Variants in TNKS observed in about 807,000 individuals in gnomAD.
The protein encoded by TNKS is poly [ADP-ribose] polymerase tankyrase-1.
In TNKS, 72 loss-of-function variants were observed where a neutral mutation model predicts 135.8. The ratio of observed to expected loss-of-function variants is 0.53; its 90% CI spans 0.44 to 0.64. The LOEUF is 0.64. TNKS is among the 30% of genes least tolerant of loss of function. TNKS has a pLI of 0.00. For synonymous variants in TNKS, 849 were observed against 649.3 expected, an observed-to-expected ratio of 1.31 and a Z score of -4.68; for missense variants, 1,769 against 1,674.0, an observed-to-expected ratio of 1.06 and a Z score of -0.99.
At chr8:9,763,782 G>T (rs755935675) in intron 22 of TNKS, among the ~76,000 whole-genome samples, 1 of 152,120 alleles carries the variant, frequency 6.6e-6, no homozygotes, top group Non-Finnish European at 1.5e-5. Context: ...TGAGACTCCT[G>T]CTCCACTGAC....
intron 3 of TNKS, among the ~76,000 whole-genome samples, chr8:9,672,675 A>AC (rs1203110626): frequency 5.8e-5 from 7 of 121,640 alleles, no homozygotes; most frequent in African/African-American, 1.2e-4. Flanking sequence ...AAAAAAAAAA[A>AC]ACACATACAC....
At chr8:9,604,940 C>T (rs996209808) in intron 2 of TNKS, among the ~76,000 whole-genome samples, 2 of 151,924 alleles carry the variant, frequency 1.3e-5, no homozygotes, top group Non-Finnish European at 1.5e-5. Flanking sequence ...GCAATTTTCT[C>T]TTTAGCTGTT....
At chr8:9,632,970 C>G (rs553627839) in intron 3 of TNKS, among the ~76,000 whole-genome samples, 1 of 152,150 alleles carries the variant, frequency 6.6e-6, no homozygotes, top group South Asian at 2.1e-4. Flanking sequence ...ACCTCGTGAT[C>G]TGCCCGCCTC....
intron 3 of TNKS, among the ~76,000 whole-genome samples, chr8:9,625,636 C>T (rs1385706242): frequency 1.3e-5 from 2 of 151,998 alleles, no homozygotes; most frequent in Admixed American, 1.3e-4. Flanking sequence ...CTTGAGATTT[C>T]GTCTTTAACC....
In TNKS at chr8:9,567,423, AT is replaced by A. The variant is rs1009976478; in HGVS notation, c.673+10821del. Reference sequence around the variant, plus strand: ...TTAGCAACTGCTTTCTTATTTATTTATTTTTTTTTTGAGACGGAGTCTCGCT... The same window carrying A: ...TTAGCAACTGCTTTCTTATTTATTTATTTTTTTTTGAGACGGAGTCTCGCT... On this transcript the variant is annotated intron_variant, in intron 1 of 26. Transcript: ENST00000310430. Among the ~76,000 whole-genome samples, 393 of 150,404 alleles carry A rather than the reference AT, an allele frequency of 2.6e-3. 1 individual carries two copies. The highest frequency in any genetic ancestry group is 4.7e-3 in the Non-Finnish European group (315 of 67,428).
Position 9,730,874 on chromosome 8 carries a change from G to C in TNKS, c.2002-16G>C, listed in dbSNP as rs554962669. On this transcript the variant is annotated splice_polypyrimidine_tract_variant and intron_variant, in intron 13 of 26. Transcript: ENST00000310430. Reference sequence around the variant, plus strand: ...ATGTTCGTTTTGTGTTTGTCTTTGTGTGTGCACCACGAAAGCAACTTTGCA... The same window carrying C: ...ATGTTCGTTTTGTGTTTGTCTTTGTCTGTGCACCACGAAAGCAACTTTGCA... 1 of 1,608,658 alleles carries C rather than the reference G, an allele frequency of 6.2e-7. No homozygotes were observed. The highest frequency in any genetic ancestry group is 8.5e-7 in the Non-Finnish European group (1 of 1,177,022).
chr8:9,570,929 A>G (rs921710341), intron 1 of TNKS, among the ~76,000 whole-genome samples: 4 of 152,180 alleles, frequency 2.6e-5, no homozygotes, highest in African/African-American at 9.7e-5. Flanking sequence ...TGATCATGCC[A>G]CTGCACTCCA....
intron 20 of TNKS, among the ~76,000 whole-genome samples, chr8:9,759,936 C>T (rs1344610019): frequency 6.6e-6 from 1 of 151,712 alleles, no homozygotes; most frequent in Non-Finnish European, 1.5e-5. Context: ...TGAGATCGCG[C>T]CACTGCACTC....
chr8:9,699,025 T>C lies in TNKS; in HGVS notation c.1108-5638T>C, dbSNP rs1803665534. ...TAATTTACTTTACATGTTTGTCTTT[T>C]AAAATGATCCTAACAGAAACGTCTG... On this transcript the variant is annotated intron_variant, in intron 5 of 26. Transcript: ENST00000310430. 2.6e-5 allele frequency among the ~76,000 whole-genome samples: 4 copies of C among 152,230 alleles called. No homozygotes were observed. The South Asian group carries it at 8.3e-4, about 31-fold the overall frequency.
At chr8:9,681,085 C>G (rs1286507350) in intron 5 of TNKS, 2 of 257,940 alleles carry the variant, frequency 7.8e-6, no homozygotes, top group Middle Eastern at 1.2e-3. Flanking sequence ...AGCATATGCT[C>G]TTTTCTGGGT....
chr8:9,618,476 T>G (rs969018020), intron 3 of TNKS, among the ~76,000 whole-genome samples: 1 of 152,208 alleles, frequency 6.6e-6, no homozygotes. Context: ...AATGGTAGAC[T>G]TAGAAGAAAT....
intron 15 of TNKS, 101 bp downstream of exon 15, chr8:9,733,545 T>A: frequency 1.1e-6 from 1 of 944,156 alleles, no homozygotes; most frequent in Non-Finnish European, 1.6e-6. Context: ...AGAACAATAC[T>A]GCTGTAGAGA....
At position 9,770,138 on chromosome 8, in the gene TNKS, A is replaced by C; in HGVS notation, c.3773A>C (p.Lys1258Thr). The change falls in exon 26 of 27, where the codon AAA becomes ACA. Residue 1258 changes from lysine (K) to threonine (T), a missense_variant. Coordinates refer to ENST00000310430, the MANE Select transcript of TNKS (RefSeq NM_003747.3). ...CTCTTCTGTAGAGTGACCCTTGGGA[A>C]ATCCTTTCTGCAGTTTAGCACCATG... ...QMLFCRVTLG[K>T]SFLQFSTMKM... 6.2e-7 allele frequency: 1 copy of C among 1,613,248 alleles called. No individual in the cohort carries two copies. Among genetic ancestry groups the C allele is most frequent in the Non-Finnish European group, 8.5e-7 (1 of 1,179,882 alleles).
At chr8:9,584,891 G>A (rs1311351767) in intron 2 of TNKS, among the ~76,000 whole-genome samples, 1 of 152,178 alleles carries the variant, frequency 6.6e-6, no homozygotes, top group Non-Finnish European at 1.5e-5. Flanking sequence ...GATAACAGAG[G>A]TGTATGGTGT....
At chr8:9,604,749 T>TA (rs1799153564) in intron 2 of TNKS, among the ~76,000 whole-genome samples, 1 of 151,808 alleles carries the variant, frequency 6.6e-6, no homozygotes, top group Non-Finnish European at 1.5e-5. Flanking sequence ...AATACATACA[T>TA]ATGTATGTGT....
intron 2 of TNKS, among the ~76,000 whole-genome samples, chr8:9,593,834 A>G (rs1354006232): frequency 6.6e-6 from 1 of 151,976 alleles, no homozygotes; most frequent in African/African-American, 2.4e-5. Flanking sequence ...TGAGTGTTCA[A>G]CTGCCTTTGG....
rs114261217 is a variant in TNKS at position 9,703,845 on chromosome 8, T to C, written c.1108-818T>C. ...TAAATTAGCAAAGGTGGAAAATTGC[T>C]ATGGTTGCAGAGAAGTTTTTAATTA... On this transcript the variant is annotated intron_variant, in intron 5 of 26. Transcript: ENST00000310430. Among the ~76,000 whole-genome samples the C allele has an allele frequency of 5.2e-3, 796 of 152,258 alleles. 9 individuals carry two copies. Among genetic ancestry groups the C allele is most frequent in the African/African-American group, 0.018 (730 of 41,548 alleles).
intron 13 of TNKS, among the ~76,000 whole-genome samples, chr8:9,729,862 C>G (rs1018448575): frequency 6.9e-6 from 1 of 145,784 alleles, no homozygotes; most frequent in Non-Finnish European, 1.5e-5. Flanking sequence ...CAACCTCTGC[C>G]TCCTGGGTTC....
chr8:9,611,801 A>G (rs1236165329), intron 2 of TNKS, among the ~76,000 whole-genome samples: 1 of 152,200 alleles, frequency 6.6e-6, no homozygotes, highest in Non-Finnish European at 1.5e-5. Flanking sequence ...TGCTTGGGGA[A>G]TATTGTAGTT....
Sources: allele counts gnomAD v4.1 joint callset (sites outside exome capture counted in the v4.1 genomes callset), GRCh38; gene constraint gnomAD v4.1.1; transcripts MANE v1.5; gene names NCBI Gene and HGNC (gene_info 2026-07-23, HGNC 2026-07-21).